GRAMD2B: variants seen among roughly 807,000 people sequenced by gnomAD.
The protein encoded by GRAMD2B is GRAM domain containing 2B.
GRAMD2B carries 41 observed loss-of-function variants against 59.2 expected under a neutral mutation model. The observed-to-expected ratio is 0.69, with a 90% CI of 0.54 to 0.90. GRAMD2B has a LOEUF of 0.90. Ranked by LOEUF, GRAMD2B falls within the 40% of genes least tolerant of loss-of-function variation. The probability of loss-of-function intolerance (pLI) is 0.00; values close to 1 mark genes in which losing one functional copy is unlikely to be tolerated. For synonymous variants in GRAMD2B, 161 were observed against 182.7 expected (o/e 0.88, Z 0.96); for missense variants, 424 against 500.5 (o/e 0.85, Z 1.46).
At chr5:126,381,396 G>C (rs1755644395) in intron 1 of GRAMD2B, among the ~76,000 whole-genome samples, 1 of 151,896 alleles carries the variant, frequency 6.6e-6, no homozygotes, top group Admixed American at 6.6e-5. Flanking sequence ...TTTGGTACTG[G>C]GGTGGTATTT....
intron 1 of GRAMD2B, among the ~76,000 whole-genome samples, chr5:126,397,360 G>A (rs1187659878): frequency 6.6e-6 from 1 of 152,052 alleles, no homozygotes; most frequent in East Asian, 1.9e-4. Context: ...GCGTAGCTGG[G>A]ACTGCAGGCA....
chr5:126,465,474 G>A lies in GRAMD2B; in HGVS notation c.132G>A (p.Ser44=), dbSNP rs751082479. The change falls in exon 2 of 14, where the codon TCG becomes TCA. Residue 44 remains serine (S), a synonymous_variant. Transcript: ENST00000285689. The part of the protein sequence containing the change: ...GVEEKKKACR[S]PTAQSPTPSV... ...AGGAGAAAAAGAAAGCCTGCAGGTC[G>A]CCAACAGCCCAATCCCCTACCCCAT... The A allele has an allele frequency of 6.0e-5, 97 of 1,613,972 alleles. No individual in the cohort carries two copies. In the South Asian group the frequency reaches 7.6e-4, roughly 13 times the overall value.
chr5:126,444,496 A>G lies in GRAMD2B; in HGVS notation c.83+20807A>G, dbSNP rs1313974257. Among the ~76,000 whole-genome samples, 6 of 152,326 alleles carry G rather than the reference A, an allele frequency of 3.9e-5. No homozygotes were observed. In the East Asian group the frequency reaches 1.2e-3, roughly 29 times the overall value. Reference sequence around the variant, plus strand: ...AGATAAGGGGACAGGTGCCCTTTGAAGTATATGTTTATGATTGATCAATTC... The same window carrying G: ...AGATAAGGGGACAGGTGCCCTTTGAGGTATATGTTTATGATTGATCAATTC... On this transcript the variant is annotated intron_variant, in intron 1 of 13. Transcript: ENST00000285689.
chr5:126,490,637 C>T (rs114066440), intron 13 of GRAMD2B, among the ~76,000 whole-genome samples: 1,875 of 152,328 alleles, frequency 0.012, 31 homozygotes, highest in African/African-American at 0.043. Flanking sequence ...TACCAGGCCA[C>T]ACCCGTGCTC....
chr5:126,446,637 A>AC (rs1764293968), intron 1 of GRAMD2B, among the ~76,000 whole-genome samples: 1 of 151,824 alleles, frequency 6.6e-6, no homozygotes, highest in African/African-American at 2.4e-5. Flanking sequence ...AAAAAAAAAA[A>AC]AAACCTATGT....
chr5:126,405,060 G>A (rs1299740561), intron 1 of GRAMD2B, among the ~76,000 whole-genome samples: 1 of 151,798 alleles, frequency 6.6e-6, no homozygotes, highest in East Asian at 1.9e-4. Flanking sequence ...CCAGGTTCCA[G>A]AGGCTGCTTA....
chr5:126,449,475 A>G (rs1254251413), intron 1 of GRAMD2B, among the ~76,000 whole-genome samples: 1 of 152,172 alleles, frequency 6.6e-6, no homozygotes, highest in Non-Finnish European at 1.5e-5. Flanking sequence ...AGGTAGATTA[A>G]CACCTTTGAA....
At chr5:126,377,583 C>CTA (rs1225621918) in intron 1 of GRAMD2B, among the ~76,000 whole-genome samples, 1 of 152,154 alleles carries the variant, frequency 6.6e-6, no homozygotes, top group Non-Finnish European at 1.5e-5. Flanking sequence ...GCATTCTGAA[C>CTA]TAAGGGGAAG....
chr5:126,371,507 G>C, exon 1 of GRAMD2B: 1 of 1,289,310 alleles, frequency 7.8e-7, no homozygotes, highest in Non-Finnish European at 1.0e-6. Flanking sequence ...GGCAGCCCAA[G>C]GAAGGCCAAC....
intron 1 of GRAMD2B, among the ~76,000 whole-genome samples, chr5:126,372,353 C>A (rs186637961): frequency 3.7e-4 from 56 of 152,226 alleles, no homozygotes; most frequent in African/African-American, 1.2e-3. Flanking sequence ...CCCCCACACC[C>A]AAACTTTACT....
At chr5:126,433,050 C>G (rs556040252) in intron 1 of GRAMD2B, among the ~76,000 whole-genome samples, 1 of 152,188 alleles carries the variant, frequency 6.6e-6, no homozygotes, top group East Asian at 1.9e-4. Flanking sequence ...ACACATAAAG[C>G]CTTTGCCATA....
intron 13 of GRAMD2B, among the ~76,000 whole-genome samples, chr5:126,490,126 G>A (rs1051042087): frequency 2.6e-5 from 4 of 152,082 alleles, no homozygotes; most frequent in Non-Finnish European, 5.9e-5. Context: ...ACCTAGAGAA[G>A]GTATGAGTTA....
chr5:126,421,934 G>GT (rs1334327743), upstream of GRAMD2B, among the ~76,000 whole-genome samples: 2 of 152,082 alleles, frequency 1.3e-5, no homozygotes, highest in Admixed American at 6.6e-5. Context: ...ATAGTTAGTC[G>GT]TTTTTTCCCA....
chr5:126,492,049 A>C (rs1388234321), intron 13 of GRAMD2B, among the ~76,000 whole-genome samples: 1 of 152,198 alleles, frequency 6.6e-6, no homozygotes, highest in Non-Finnish European at 1.5e-5. Context: ...AATTCTTACA[A>C]GTTCCTTTAT....
intron 13 of GRAMD2B, among the ~76,000 whole-genome samples, chr5:126,490,780 G>C (rs1361575757): frequency 6.6e-6 from 1 of 152,128 alleles, no homozygotes; most frequent in East Asian, 1.9e-4. Context: ...TCACCTTCGG[G>C]GGCCGGTGAT....
intron 3 of GRAMD2B, among the ~76,000 whole-genome samples, 192 bp from the exon 4 acceptor site, chr5:126,472,046 G>A (rs750895171): frequency 1.3e-5 from 2 of 152,228 alleles, no homozygotes; most frequent in South Asian, 2.1e-4. Flanking sequence ...CATTAAACTT[G>A]TTAGAAAATG....
chr5:126,477,757 C>A lies in GRAMD2B; in HGVS notation c.552C>A (p.Asn184Lys), dbSNP rs375006587. Residue 184 changes from asparagine to lysine, a missense_variant, in exon 6 of 14, where the codon AAC (asparagine) becomes AAA (lysine). Transcript: ENST00000285689. ...KKTKTALLVPNALIIATVTDR... is the reference protein window; with the variant it reads ...KKTKTALLVPKALIIATVTDR... Reference sequence around the variant, plus strand: ...CCAAAACTGCTCTTCTAGTGCCAAACGCCCTGATCATAGCAACAGTCACAG... The same window carrying A: ...CCAAAACTGCTCTTCTAGTGCCAAAAGCCCTGATCATAGCAACAGTCACAG... 1 of 1,611,500 alleles carries A rather than the reference C, an allele frequency of 6.2e-7. No homozygotes were observed. The highest frequency in any genetic ancestry group is 8.5e-7 in the Non-Finnish European group (1 of 1,177,620).
intron 1 of GRAMD2B, among the ~76,000 whole-genome samples, chr5:126,376,005 A>G (rs566457295): frequency 2.0e-4 from 30 of 152,338 alleles, no homozygotes; most frequent in Admixed American, 1.6e-3. Flanking sequence ...GCAGACTTGG[A>G]AAAACATGAA....
At position 126,403,538 on chromosome 5, in the gene GRAMD2B, G is replaced by C. The variant is rs184218861; in HGVS notation, c.125+31971G>C. Among the ~76,000 whole-genome samples the C allele has an allele frequency of 2.0e-5, 3 of 151,940 alleles. No individual in the cohort carries two copies. The East Asian group carries it at 5.8e-4, about 29-fold the overall frequency. ...CTCGTAATAGGTACTAGAAATAAAGGGCTCAGCAGAAAAGAAAATGAACCA... is the reference window on the plus strand; with the variant it reads ...CTCGTAATAGGTACTAGAAATAAAGCGCTCAGCAGAAAAGAAAATGAACCA... On this transcript the variant is annotated intron_variant, in intron 1 of 8. Transcript: ENST00000506445.
Sources: gnomAD v4.1 joint callset for allele counts (sites outside exome capture counted in the v4.1 genomes callset) on GRCh38, gnomAD v4.1.1 for gene constraint, MANE v1.5 for transcripts, NCBI Gene and HGNC (gene_info 2026-07-23, HGNC 2026-07-21) for gene names.